RBFOX1: variants seen among roughly 807,000 people sequenced by gnomAD.
RBFOX1 encodes RNA binding fox-1 homolog 1, also known as RNA binding protein fox-1 homolog 1.
Under a neutral mutation model 57.7 loss-of-function variants are expected in RBFOX1, and 8 were observed. The ratio of observed to expected loss-of-function variants is 0.14; its 90% CI spans 0.08 to 0.25. The LOEUF (loss-of-function observed/expected upper bound fraction) is 0.25. RBFOX1 is among the 10% of genes least tolerant of loss of function. The pLI, the probability that RBFOX1 is intolerant of heterozygous loss-of-function variation, is 1.00. For missense variants in RBFOX1, 611 were observed against 548.5 expected (o/e 1.11, Z -1.14); for synonymous variants, 326 against 222.4 (o/e 1.47, Z -4.15).
chr16:7,616,694 G>A (rs1244937454), intron 10 of RBFOX1, among the ~76,000 whole-genome samples: 1 of 152,102 alleles, frequency 6.6e-6, no homozygotes, highest in East Asian at 1.9e-4. Flanking sequence ...ACCACACCCA[G>A]CTAACTTTTG....
chr16:5,638,023 G>A (rs1446650070), intron 3 of RBFOX1, among the ~76,000 whole-genome samples: 2 of 152,192 alleles, frequency 1.3e-5, no homozygotes, highest in Non-Finnish European at 2.9e-5. Flanking sequence ...GATAAAATGG[G>A]CAATCCCCCA....
intron 4 of RBFOX1, among the ~76,000 whole-genome samples, chr16:7,386,319 G>A (rs2097880452): frequency 1.3e-5 from 2 of 152,022 alleles, no homozygotes; most frequent in African/African-American, 4.8e-5. Context: ...GTGCCATGGT[G>A]GTTGCTGCAC....
intron 1 of RBFOX1, among the ~76,000 whole-genome samples, chr16:5,293,978 C>G (rs2063598712): frequency 6.6e-6 from 1 of 152,216 alleles, no homozygotes; most frequent in Non-Finnish European, 1.5e-5. Flanking sequence ...CCTGTAATCC[C>G]AGCACTTTGG....
intron 1 of RBFOX1, among the ~76,000 whole-genome samples, chr16:6,078,287 C>G (rs769824000): frequency 6.6e-6 from 1 of 152,174 alleles, no homozygotes; most frequent in African/African-American, 2.4e-5. Flanking sequence ...TAAGAGCAAG[C>G]CTCTAGAGCA....
intron 2 of RBFOX1, among the ~76,000 whole-genome samples, chr16:6,319,339 G>A (rs555179741): frequency 5.3e-4 from 80 of 152,020 alleles, no homozygotes; most frequent in Admixed American, 1.6e-3. Flanking sequence ...CCTTTGCATC[G>A]GTACCCTTTG....
chr16:6,349,247 C>T (rs1311539379), intron 2 of RBFOX1, among the ~76,000 whole-genome samples: 1 of 152,164 alleles, frequency 6.6e-6, no homozygotes, highest in Non-Finnish European at 1.5e-5. Flanking sequence ...ATAAAACTTT[C>T]TGTTATCCCT....
intron 5 of RBFOX1, among the ~76,000 whole-genome samples, chr16:7,536,253 C>G (rs1398208783): frequency 6.6e-6 from 1 of 152,204 alleles, no homozygotes; most frequent in Non-Finnish European, 1.5e-5. Flanking sequence ...AGACATAAAT[C>G]AAAGCGGAGA....
intron 5 of RBFOX1, among the ~76,000 whole-genome samples, chr16:7,552,107 A>C (rs1473797106): frequency 2.0e-5 from 3 of 152,058 alleles, no homozygotes; most frequent in African/African-American, 7.2e-5. Flanking sequence ...CATTCTCTCC[A>C]CCACCCGTTT....
At chr16:7,531,966 C>A (rs1307481814) in intron 5 of RBFOX1, among the ~76,000 whole-genome samples, 1 of 152,224 alleles carries the variant, frequency 6.6e-6, no homozygotes, top group East Asian at 1.9e-4. Flanking sequence ...TACCATTTGG[C>A]AAGCTCACAA....
intron 4 of RBFOX1, among the ~76,000 whole-genome samples, chr16:7,233,828 G>C (rs886777792): frequency 2.0e-5 from 3 of 152,096 alleles, no homozygotes; most frequent in Non-Finnish European, 4.4e-5. Context: ...GTCTTACTAA[G>C]GGCAAAGCTA....
At chr16:6,777,167 G>A (rs2079520889) in intron 3 of RBFOX1, among the ~76,000 whole-genome samples, 1 of 135,678 alleles carries the variant, frequency 7.4e-6, no homozygotes, top group East Asian at 2.0e-4. Context: ...ATATTTCTAG[G>A]GTATTTTCTG....
At chr16:5,972,029 C>G (rs755569829) in intron 4 of RBFOX1, among the ~76,000 whole-genome samples, 14 of 152,208 alleles carry the variant, frequency 9.2e-5, no homozygotes, top group Non-Finnish European at 1.9e-4. Flanking sequence ...CCTTCGGACT[C>G]AAACTGAAGC....
chr16:7,675,847 G>A (rs571481464), intron 13 of RBFOX1, among the ~76,000 whole-genome samples: 31 of 152,260 alleles, frequency 2.0e-4, no homozygotes, highest in African/African-American at 3.1e-4. Context: ...TGTTATCAGC[G>A]GACACTGGAT....
At chr16:6,798,309 A>C (rs2084569651) in intron 3 of RBFOX1, among the ~76,000 whole-genome samples, 1 of 152,080 alleles carries the variant, frequency 6.6e-6, no homozygotes, top group Admixed American at 6.6e-5. Context: ...AGAAACTTGC[A>C]TTTTTGATAA....
intron 2 of RBFOX1, among the ~76,000 whole-genome samples, chr16:5,553,692 T>C (rs535289907): frequency 3.1e-4 from 19 of 62,240 alleles, no homozygotes; most frequent in Admixed American, 5.9e-4. Context: ...TATATACACA[T>C]ATATATGTAT....
rs60248765 is a variant in RBFOX1, at chr16:7,612,320, CAAAAAAAAAAAAAAAAAAAAA to C, written c.676+4991_676+5011del. Among the ~76,000 whole-genome samples, 27 of 71,458 alleles carry C rather than the reference CAAAAAAAAAAAAAAAAAAAAA, an allele frequency of 3.8e-4. 1 individual carries two copies. The South Asian group carries it at 5.4e-3, about 14-fold the overall frequency. 46.9% of individuals were successfully genotyped at this position (71,458 alleles called of 152,430 possible). ...TGGGTAACAGAGCGAGACTCCATCTCAAAAAAAAAAAAAAAAAAAAAAAAAAAAAGACAAATGATTGTAAGT... is the reference window on the plus strand; with the variant it reads ...TGGGTAACAGAGCGAGACTCCATCTCAAAAAAAAGACAAATGATTGTAAGT... On this transcript the variant is annotated intron_variant, in intron 10 of 15. Transcript: ENST00000550418.
chr16:7,046,150 C>T lies in RBFOX1; in HGVS notation c.-15-5907C>T, dbSNP rs115441298. ...AAGCATTGCCCTCAGTCTTTAATTGCATCAGCCATTTAGTTTATATTTTAC... is the reference window on the plus strand; with the variant it reads ...AAGCATTGCCCTCAGTCTTTAATTGTATCAGCCATTTAGTTTATATTTTAC... On this transcript the variant is annotated intron_variant, in intron 3 of 15. Coordinates refer to ENST00000550418, the MANE Select transcript of RBFOX1 (RefSeq NM_018723.4). Among the ~76,000 whole-genome samples, 1,173 of 152,090 alleles carry T rather than the reference C, an allele frequency of 7.7e-3. 14 individuals carry two copies. Among genetic ancestry groups the T allele is most frequent in the African/African-American group, 0.027 (1,102 of 41,478 alleles).
intron 1 of RBFOX1, among the ~76,000 whole-genome samples, chr16:5,437,675 C>T (rs948506228): frequency 5.3e-5 from 8 of 151,982 alleles, no homozygotes; most frequent in Admixed American, 3.3e-4. Flanking sequence ...AGTGTAAATC[C>T]GTCTATGGTA....
At chr16:7,338,876 T>C (rs1330000949) in intron 4 of RBFOX1, among the ~76,000 whole-genome samples, 1 of 152,222 alleles carries the variant, frequency 6.6e-6, no homozygotes, top group Non-Finnish European at 1.5e-5. Flanking sequence ...TTGATATTGC[T>C]GCCCTGCGAT....
Sources: allele counts gnomAD v4.1 joint callset (sites outside exome capture counted in the v4.1 genomes callset), GRCh38; gene constraint gnomAD v4.1.1; transcripts MANE v1.5; gene names NCBI Gene and HGNC (gene_info 2026-07-23, HGNC 2026-07-21).